Variants in MAPKAP1 observed in about 807,000 individuals in gnomAD.
The protein encoded by MAPKAP1 is target of rapamycin complex 2 subunit MAPKAP1.
In MAPKAP1, 20 loss-of-function variants were observed where a neutral mutation model predicts 65.7. The observed-to-expected ratio is 0.30, with a 90% CI of 0.21 to 0.44. MAPKAP1 has a LOEUF of 0.44. Ranked by LOEUF, MAPKAP1 falls within the 20% of genes least tolerant of loss-of-function variation. The pLI is 1.00. For missense variants in MAPKAP1, 423 were observed against 648.0 expected (o/e 0.65, Z 3.77); for synonymous variants, 222 against 244.3 (o/e 0.91, Z 0.85).
intron 1 of MAPKAP1, among the ~76,000 whole-genome samples, chr9:125,677,893 G>A (rs890206182): frequency 6.6e-6 from 1 of 152,056 alleles, no homozygotes; most frequent in African/African-American, 2.4e-5. Flanking sequence ...TAGAAGGAAA[G>A]AAAGAGATGT....
chr9:125,559,522 G>A, intron 6 of MAPKAP1, 111 bp downstream of exon 6: 1 of 917,830 alleles, frequency 1.1e-6, no homozygotes, highest in Admixed American at 2.4e-5. Flanking sequence ...ATTACCAGTG[G>A]ACTCTCCAGA....
At chr9:125,685,349 G>T (rs887301975) in intron 1 of MAPKAP1, among the ~76,000 whole-genome samples, 7 of 152,192 alleles carry the variant, frequency 4.6e-5, no homozygotes, top group African/African-American at 1.7e-4. Flanking sequence ...GAGAGAACAA[G>T]CCATGTAGAC....
chr9:125,616,754 A>C (rs1832758784), intron 4 of MAPKAP1, among the ~76,000 whole-genome samples: 1 of 152,318 alleles, frequency 6.6e-6, no homozygotes, highest in Middle Eastern at 3.4e-3. Context: ...TTTGTAAGAC[A>C]GTTTGGCATT....
intron 11 of MAPKAP1, among the ~76,000 whole-genome samples, chr9:125,440,625 C>A (rs939735232): frequency 1.3e-5 from 2 of 152,236 alleles, no homozygotes; most frequent in Admixed American, 6.5e-5. Context: ...CCTCAGATGG[C>A]CGAGGCTTCA....
intron 4 of MAPKAP1, among the ~76,000 whole-genome samples, chr9:125,609,718 G>C (rs909460848): frequency 2.0e-5 from 3 of 151,884 alleles, no homozygotes; most frequent in African/African-American, 4.8e-5. Flanking sequence ...TGGTAGTTTT[G>C]GTAGTTTCTC....
At chr9:125,593,976 C>T (rs1240307184) in intron 4 of MAPKAP1, among the ~76,000 whole-genome samples, 1 of 152,162 alleles carries the variant, frequency 6.6e-6, no homozygotes, top group African/African-American at 2.4e-5. Flanking sequence ...TCTATCTCAA[C>T]TAAGGCTTTC....
At chr9:125,486,210 C>T (rs773346135) in intron 8 of MAPKAP1, among the ~76,000 whole-genome samples, 10 of 152,228 alleles carry the variant, frequency 6.6e-5, no homozygotes, top group Non-Finnish European at 1.5e-4. Flanking sequence ...CAGATGAGAA[C>T]TCTGAGGCTT....
intron 10 of MAPKAP1, among the ~76,000 whole-genome samples, chr9:125,458,450 T>C (rs1853287002): frequency 6.6e-6 from 1 of 151,990 alleles, no homozygotes; most frequent in Non-Finnish European, 1.5e-5. Context: ...AGCATCTGTT[T>C]AACAAAGCAC....
intron 4 of MAPKAP1, among the ~76,000 whole-genome samples, chr9:125,620,152 T>C (rs1392911536): frequency 6.6e-6 from 1 of 152,170 alleles, no homozygotes; most frequent in South Asian, 2.1e-4. Context: ...CTACTAAAAA[T>C]GCAAAAATTA....
chr9:125,565,937 T>A (rs1162593392), intron 5 of MAPKAP1, among the ~76,000 whole-genome samples: 2 of 152,102 alleles, frequency 1.3e-5, no homozygotes, highest in Non-Finnish European at 2.9e-5. Context: ...TTTCTTTCTG[T>A]CTAGGTCACG....
At position 125,526,497 on chromosome 9, in the gene MAPKAP1, T is replaced by C. The variant is rs56365768; in HGVS notation, c.958+16562A>G. On this transcript the variant is annotated intron_variant, in intron 7 of 11. Transcript: ENST00000265960. ...AGACAAAGTGTTGGCAGAATCACAA[T>C]ACACTGACTATACTCATATAACATT... Among the ~76,000 whole-genome samples, 1,206 of 152,342 alleles carry C rather than the reference T, an allele frequency of 7.9e-3. 9 individuals carry two copies. The highest frequency in any genetic ancestry group is 0.013 in the Non-Finnish European group (918 of 68,020).
intron 4 of MAPKAP1, among the ~76,000 whole-genome samples, chr9:125,605,592 G>T (rs549436889): frequency 1.3e-5 from 2 of 152,168 alleles, no homozygotes; most frequent in African/African-American, 4.8e-5. Context: ...GGTACCGCAC[G>T]GCCGCATCTC....
chr9:125,558,379 T>C (rs375265442), intron 6 of MAPKAP1, among the ~76,000 whole-genome samples: 2 of 152,136 alleles, frequency 1.3e-5, no homozygotes, highest in African/African-American at 4.8e-5. Context: ...TACACCAAAC[T>C]TGACCTTGTA....
chr9:125,683,638 A>G (rs2131828673), intron 1 of MAPKAP1, among the ~76,000 whole-genome samples: 1 of 152,328 alleles, frequency 6.6e-6, no homozygotes, highest in African/African-American at 2.4e-5. Flanking sequence ...GAGCCTCCAG[A>G]TGAGCTATAT....
intron 4 of MAPKAP1, among the ~76,000 whole-genome samples, chr9:125,622,745 A>G (rs1198619860): frequency 6.6e-6 from 1 of 152,066 alleles, no homozygotes; most frequent in Non-Finnish European, 1.5e-5. Flanking sequence ...CACCTGGCCC[A>G]ATATGTACAA....
chr9:125,481,810 T>C (rs1854326819), intron 9 of MAPKAP1, among the ~76,000 whole-genome samples: 1 of 152,014 alleles, frequency 6.6e-6, no homozygotes, highest in Non-Finnish European at 1.5e-5. Context: ...ACAAACTGGA[T>C]GTTTGAGTGG....
chr9:125,438,628 G>C lies in MAPKAP1; in HGVS notation c.*259C>G, dbSNP rs1852372281. 1 of 462,334 alleles carries C rather than the reference G, an allele frequency of 2.2e-6. No homozygotes were observed. The highest frequency in any genetic ancestry group is 3.9e-5 in the Admixed American group (1 of 25,360). The allele number at this position is 462,334 out of a possible 1,614,324, so 28.6% of individuals were successfully genotyped here. On this transcript the variant is annotated 3_prime_UTR_variant, in exon 12 of 12. Coordinates refer to ENST00000265960, the MANE Select transcript of MAPKAP1 (RefSeq NM_001006617.3). The stretch of plus-strand genomic sequence containing the variant: ...ATTGAAGGTGGCTGGGCGGCACGTG[G>C]CTCCTCTAGGGGGTGGTCTGACCCC...
chr9:125,599,416 GA>G (rs1832238305), intron 4 of MAPKAP1, among the ~76,000 whole-genome samples: 1 of 152,078 alleles, frequency 6.6e-6, no homozygotes, highest in East Asian at 1.9e-4. Flanking sequence ...TAACCCTCAT[GA>G]AATTTGAACA....
intron 10 of MAPKAP1, among the ~76,000 whole-genome samples, chr9:125,457,404 A>G (rs1429545549): frequency 2.6e-5 from 4 of 152,170 alleles, no homozygotes; most frequent in Non-Finnish European, 4.4e-5. Flanking sequence ...GTCCCTGAAC[A>G]TATTTATAAT....
Sources: allele counts gnomAD v4.1 joint callset (sites outside exome capture counted in the v4.1 genomes callset), GRCh38; gene constraint gnomAD v4.1.1; transcripts MANE v1.5; gene names NCBI Gene and HGNC (gene_info 2026-07-23, HGNC 2026-07-21).